TIA1: variants seen among roughly 807,000 people sequenced by gnomAD.
The protein encoded by TIA1 is cytotoxic granule associated RNA binding protein TIA1.
Under a neutral mutation model 65.9 loss-of-function variants are expected in TIA1, and 23 were observed. The ratio of observed to expected loss-of-function variants is 0.35; its 90% confidence interval spans 0.25 to 0.49. The LOEUF (loss-of-function observed/expected upper bound fraction) is 0.49. Among genes scored for constraint, TIA1 ranks in the 20% least tolerant of loss-of-function variants. TIA1 has a pLI of 0.98. For missense variants in TIA1, 371 were observed against 477.9 expected (o/e 0.78, Z 2.09); for synonymous variants, 147 against 149.4 (o/e 0.98, Z 0.12).
chr2:70,238,164 T>TA (rs532331981), intron 1 of TIA1, among the ~76,000 whole-genome samples: 4,172 of 140,174 alleles, frequency 0.03, 341 homozygotes, highest in Admixed American at 0.18. Context: ...CCATCTCAAT[T>TA]AAAAAAAAAA....
chr2:70,230,962 A>G, intron 2 of TIA1, 108 bp from the exon 3 acceptor site: 1 of 733,934 alleles, frequency 1.4e-6, no homozygotes, highest in Non-Finnish European at 2.2e-6. Flanking sequence ...CTAAGTTATC[A>G]GGCCATGGAG....
Position 70,216,395 on chromosome 2 carries a change from C to G in TIA1, c.679+9G>C. Reference sequence around the variant, plus strand: ...AAAAATTAATGCCACACAGGGAAGGCTCCCATACCTGTTAGCCCAGAAGTA... The same window carrying G: ...AAAAATTAATGCCACACAGGGAAGGGTCCCATACCTGTTAGCCCAGAAGTA... On this transcript the variant is annotated intron_variant, in intron 9 of 12. Transcript: ENST00000433529. The G allele has an allele frequency of 6.2e-7, 1 of 1,607,184 alleles. No homozygotes were observed. Among genetic ancestry groups the G allele is most frequent in the South Asian group, 1.1e-5 (1 of 89,546 alleles).
chr2:70,223,148 C>G (rs1480175550), intron 7 of TIA1, among the ~76,000 whole-genome samples: 1 of 152,140 alleles, frequency 6.6e-6, no homozygotes, highest in Non-Finnish European at 1.5e-5. Context: ...ATCAAACCGC[C>G]AATTTATTTC....
chr2:70,248,079 G>C (rs1284980913), intron 1 of TIA1, among the ~76,000 whole-genome samples: 2 of 152,150 alleles, frequency 1.3e-5, no homozygotes, highest in Non-Finnish European at 2.9e-5. Flanking sequence ...TAGGACAAAA[G>C]GAAGGTTCGA....
intron 2 of TIA1, among the ~76,000 whole-genome samples, chr2:70,235,046 A>G (rs1688177462): frequency 1.3e-5 from 2 of 152,006 alleles, no homozygotes; most frequent in Non-Finnish European, 2.9e-5. Context: ...ACAAACAAAC[A>G]AACAAACAAA....
intron 2 of TIA1, among the ~76,000 whole-genome samples, chr2:70,233,436 A>G (rs1687389907): frequency 6.6e-6 from 1 of 152,258 alleles, no homozygotes; most frequent in South Asian, 2.1e-4. Flanking sequence ...TCTATTACCA[A>G]GATCAATGCT....
intron 2 of TIA1, among the ~76,000 whole-genome samples, chr2:70,235,427 T>G (rs554511599): frequency 2.0e-5 from 3 of 152,008 alleles, no homozygotes; most frequent in East Asian, 1.9e-4. Context: ...AAAAAAAATT[T>G]AAAGTCTTTT....
At chr2:70,225,481 C>T in intron 6 of TIA1, 2 of 1,251,326 alleles carry the variant, frequency 1.6e-6, no homozygotes, top group Non-Finnish European at 2.1e-6. Flanking sequence ...AAATTGGACT[C>T]AAATTGTGCT....
At chr2:70,225,877 A>G (rs549072460) in intron 6 of TIA1, among the ~76,000 whole-genome samples, 2 of 152,274 alleles carry the variant, frequency 1.3e-5, no homozygotes, top group South Asian at 2.1e-4. Flanking sequence ...GGAAAATACC[A>G]TATTTTTTAT....
chr2:70,218,638 T>C (rs940679462), intron 7 of TIA1, among the ~76,000 whole-genome samples: 1 of 152,148 alleles, frequency 6.6e-6, no homozygotes, highest in Non-Finnish European at 1.5e-5. Flanking sequence ...TTTCACCGTG[T>C]TAGACAGGAT....
intron 2 of TIA1, among the ~76,000 whole-genome samples, chr2:70,235,538 ATGAG>A (rs997087904): frequency 1.8e-4 from 16 of 90,882 alleles, no homozygotes; most frequent in Non-Finnish European, 3.1e-4. Context: ...AATTAGATGA[ATGAG>A]TGTGTGTGTG....
chr2:70,232,345 A>G (rs1686803490), intron 2 of TIA1, among the ~76,000 whole-genome samples: 1 of 151,386 alleles, frequency 6.6e-6, no homozygotes, highest in Non-Finnish European at 1.5e-5. Flanking sequence ...GTTTGAGACC[A>G]GCCTGACCAA....
intron 6 of TIA1, chr2:70,224,893 A>G (rs1271912775): frequency 4.2e-6 from 5 of 1,192,366 alleles, no homozygotes; most frequent in Non-Finnish European, 5.2e-6. Flanking sequence ...TTAAACTTTT[A>G]AATATTAAGC....
chr2:70,219,717 T>C (rs1433815998), intron 7 of TIA1, among the ~76,000 whole-genome samples: 1 of 147,980 alleles, frequency 6.8e-6, no homozygotes. Context: ...GGATTCGGGG[T>C]CCACAGACTA....
intron 10 of TIA1, 64 bp downstream of exon 10, chr2:70,216,140 TTTTA>T (rs1678546447): frequency 5.6e-6 from 7 of 1,242,226 alleles, no homozygotes; most frequent in African/African-American, 3.2e-5. Context: ...AGTTTTTTAT[TTTTA>T]TTTATTTTCT....
rs1332098697 is a variant in TIA1 at position 70,212,661 on chromosome 2, G to A, written c.*58C>T. ...TTTGATAAATCTTTAAGTAAACAAC[G>A]GCTTTACTACACTCCCTGTAGCCTC... On this transcript the variant is annotated 3_prime_UTR_variant, in exon 13 of 13. Transcript: ENST00000433529. 9 of 1,009,610 alleles carry A rather than the reference G, an allele frequency of 8.9e-6. No homozygotes were observed. Among genetic ancestry groups the A allele is most frequent in the Admixed American group, 1.7e-5 (1 of 58,506 alleles). The allele number at this position is 1,009,610 out of a possible 1,614,324, so 62.5% of individuals were successfully genotyped here. A position where few individuals can be genotyped will look rare whatever the true frequency, so the allele number is the denominator to read the frequency against.
chr2:70,216,596 C>T lies in TIA1; in HGVS notation c.584-97G>A, dbSNP rs191774888. 2.8e-4 allele frequency: 370 copies of T among 1,342,658 alleles called. 3 individuals carry two copies. In the East Asian group the frequency reaches 8.8e-3, roughly 32 times the overall value. 83.2% of individuals were successfully genotyped at this position (1,342,658 alleles called of 1,614,324 possible). On this transcript the variant is annotated intron_variant, in intron 8 of 12. Coordinates refer to ENST00000433529, the MANE Select transcript of TIA1 (RefSeq NM_022173.4). ...TACACTACTGTAAAGGTAACATTAA[C>T]CTTGATCAAAATGCTTATATTACAC...
Position 70,216,265 on chromosome 2 carries a change from G to A in TIA1, c.707C>T (p.Pro236Leu). Residue 236 changes from proline to leucine, a missense_variant, in exon 10 of 13, where the codon CCA becomes CTA. Transcript: ENST00000433529. ...TCGAATTTCCATTATTTGTCCAAAT[G>A]GTGAAAAAGTCTGACGCATTAGTTG... is the stretch of plus-strand genomic sequence containing the variant. ...TEQLMRQTFSPFGQIMEIRVF... is the reference protein window; with the variant it reads ...TEQLMRQTFSLFGQIMEIRVF... 6.3e-7 allele frequency: 1 copy of A among 1,595,064 alleles called. No individual in the cohort carries two copies. The highest frequency in any genetic ancestry group is 8.5e-7 in the Non-Finnish European group (1 of 1,174,690).
chr2:70,230,169 G>C (rs1036696358), intron 3 of TIA1, among the ~76,000 whole-genome samples: 1 of 148,774 alleles, frequency 6.7e-6, no homozygotes, highest in Admixed American at 6.7e-5. Context: ...CATGAACCCG[G>C]AAGGCAGAGC....
Sources: gnomAD v4.1 joint callset for allele counts (sites outside exome capture counted in the v4.1 genomes callset) on GRCh38, gnomAD v4.1.1 for gene constraint, MANE v1.5 for transcripts, NCBI Gene and HGNC (gene_info 2026-07-23, HGNC 2026-07-21) for gene names.